Variants in DYNC1LI1 observed in about 807,000 individuals in gnomAD.
DYNC1LI1 encodes dynein cytoplasmic 1 light intermediate chain 1.
DYNC1LI1 carries 19 observed loss-of-function variants against 63.8 expected under a neutral mutation model. The observed-to-expected ratio is 0.30, with a 90% CI of 0.21 to 0.44. The LOEUF (loss-of-function observed/expected upper bound fraction) is 0.44. Ranked by LOEUF, DYNC1LI1 falls within the 20% of genes least tolerant of loss-of-function variation. The pLI is 1.00. For synonymous variants in DYNC1LI1, 225 were observed against 232.3 expected (o/e 0.97, Z 0.28); for missense variants, 565 against 630.2 (o/e 0.90, Z 1.11).
In DYNC1LI1 at chr3:32,528,173, A is replaced by G. The variant is rs148709253; in HGVS notation, c.1462+273T>C. Among the ~76,000 whole-genome samples, 50 of 150,810 alleles carry G rather than the reference A, an allele frequency of 3.3e-4. No individual in the cohort carries two copies. The East Asian group carries it at 9.7e-3, about 29-fold the overall frequency. On this transcript the variant is annotated intron_variant, in intron 12 of 12. Transcript: ENST00000273130. ...ATGAAATATTGATACATATTACAAC[A>G]TGTATGACCTTCAAAAACATTTGTT...
chr3:32,563,779 T>G (rs181088291), intron 2 of DYNC1LI1, among the ~76,000 whole-genome samples: 1 of 152,232 alleles, frequency 6.6e-6, no homozygotes, highest in Admixed American at 6.5e-5. Context: ...TTTTCTGCTT[T>G]TGACAGTAGC....
At chr3:32,541,406 C>T (rs1559437878) in intron 4 of DYNC1LI1, among the ~76,000 whole-genome samples, 200 bp from the exon 5 acceptor site, 1 of 152,164 alleles carries the variant, frequency 6.6e-6, no homozygotes, top group Admixed American at 6.5e-5. Flanking sequence ...CAGAATATTA[C>T]TACTGCAGGG....
Position 32,542,888 on chromosome 3 carries a change from G to A in DYNC1LI1, c.569-1682C>T, listed in dbSNP as rs530507555. ...AGGGAATCCCGAACAGGTGGGCACC[G>A]TTCCTCTAGAAACACAGGGGTCTGT... On this transcript the variant is annotated intron_variant, in intron 4 of 12. Transcript: ENST00000273130. 3.3e-5 allele frequency among the ~76,000 whole-genome samples: 5 copies of A among 152,288 alleles called. No homozygotes were observed. In the East Asian group the frequency reaches 9.6e-4, roughly 29 times the overall value.
At chr3:32,535,055 G>A (rs1239614055) in intron 6 of DYNC1LI1, among the ~76,000 whole-genome samples, 1 of 152,142 alleles carries the variant, frequency 6.6e-6, no homozygotes, top group Non-Finnish European at 1.5e-5. Context: ...TGTTAACAGT[G>A]TCTCTTTGTA....
At chr3:32,551,655 G>C (rs1663105585) in intron 2 of DYNC1LI1, among the ~76,000 whole-genome samples, 2 of 152,180 alleles carry the variant, frequency 1.3e-5, no homozygotes, top group African/African-American at 4.8e-5. Flanking sequence ...TCTGAACTAA[G>C]GTATGGAGGC....
intron 2 of DYNC1LI1, among the ~76,000 whole-genome samples, chr3:32,561,034 CAAACA>C (rs1698186509): frequency 2.1e-4 from 11 of 51,934 alleles, no homozygotes; most frequent in South Asian, 6.5e-4. Flanking sequence ...AAAAAAAAAA[CAAACA>C]AAAAAAACAC....
At chr3:32,570,003 T>C (rs912832530) in intron 2 of DYNC1LI1, 5 of 409,630 alleles carry the variant, frequency 1.2e-5, no homozygotes, top group African/African-American at 1.1e-4. Context: ...GCTACCAATT[T>C]TTGTGATGAA....
At chr3:32,543,432 C>T (rs1697909316) in intron 4 of DYNC1LI1, among the ~76,000 whole-genome samples, 1 of 131,356 alleles carries the variant, frequency 7.6e-6, no homozygotes, top group African/African-American at 2.9e-5. Flanking sequence ...CGGAGTCTTG[C>T]TCTGTCGCCC....
Position 32,570,544 on chromosome 3 carries a change from C to T in DYNC1LI1, c.146+81G>A, listed in dbSNP as rs550652506. 8.2e-4 allele frequency: 1,242 copies of T among 1,507,866 alleles called. 10 individuals carry two copies. In the African/African-American group the frequency reaches 0.016, roughly 19 times the overall value. 93.4% of individuals were successfully genotyped at this position (1,507,866 alleles called of 1,614,324 possible). On this transcript the variant is annotated intron_variant, in intron 1 of 12. Coordinates refer to ENST00000273130, the MANE Select transcript of DYNC1LI1 (RefSeq NM_016141.4). ...CGCAGTGGCCGGGCCCGGCGCCGAGCTCCAGCGGGCACGGGATCCCGAGGC... is the reference window on the plus strand; with the variant it reads ...CGCAGTGGCCGGGCCCGGCGCCGAGTTCCAGCGGGCACGGGATCCCGAGGC...
chr3:32,537,916 T>TTATATATATAATATATATATAA (rs1374454123), intron 5 of DYNC1LI1, among the ~76,000 whole-genome samples: 1 of 35,834 alleles, frequency 2.8e-5, no homozygotes, highest in Non-Finnish European at 4.9e-5. Context: ...TATATATAAT[T>TTATATATATAATATATATATAA]TATATATATA....
Position 32,529,606 on chromosome 3 carries a change from A to C in DYNC1LI1, c.1240T>G (p.Ser414Ala). Reference protein sequence around the residue: ...GSPRTPNRSVSSNVASVSPIP... With the variant: ...GSPRTPNRSVASNVASVSPIP... ...GGTGACACGCTGGCAACATTAGATG[A>C]TACAGATCTATTTGGTGTTCGTGGG... Residue 414 changes from serine (S) to alanine (A), a missense_variant, in exon 11 of 13, where the codon TCA becomes GCA. Physicochemically the swap from Ser to Ala is moderately conservative, Grantham distance 99. Transcript: ENST00000273130. 6.2e-7 allele frequency: 1 copy of C among 1,610,384 alleles called. No homozygotes were observed. Among genetic ancestry groups the C allele is most frequent in the Non-Finnish European group, 8.5e-7 (1 of 1,178,588 alleles).
intron 6 of DYNC1LI1, among the ~76,000 whole-genome samples, chr3:32,535,125 G>C (rs1026880608): frequency 2.6e-5 from 4 of 152,200 alleles, no homozygotes; most frequent in Admixed American, 6.5e-5. Flanking sequence ...ACTCACTGGA[G>C]AGAGCAAAAG....
At chr3:32,536,675 C>T (rs1697778561) in intron 6 of DYNC1LI1, among the ~76,000 whole-genome samples, 1 of 152,162 alleles carries the variant, frequency 6.6e-6, no homozygotes, top group South Asian at 2.1e-4. Flanking sequence ...ACAATACTGA[C>T]CTTGTCCTAC....
At chr3:32,527,425 T>C (rs1697635578) in intron 12 of DYNC1LI1, among the ~76,000 whole-genome samples, 1 of 151,738 alleles carries the variant, frequency 6.6e-6, no homozygotes. Context: ...TTTTAAGGCA[T>C]AGGACAATAA....
At chr3:32,533,924 T>C (rs930099425) in intron 7 of DYNC1LI1, among the ~76,000 whole-genome samples, 9 of 147,386 alleles carry the variant, frequency 6.1e-5, no homozygotes, top group Non-Finnish European at 1.2e-4. Flanking sequence ...TCACCTAAGC[T>C]GGAGTGAAGT....
At chr3:32,569,978 C>G (rs954158294) in intron 2 of DYNC1LI1, among the ~76,000 whole-genome samples, 9 of 152,240 alleles carry the variant, frequency 5.9e-5, no homozygotes, top group African/African-American at 2.2e-4. Context: ...CTGCAGCTCT[C>G]GCAAAGAGCC....
At chr3:32,549,376 T>G (rs1188477307) in intron 2 of DYNC1LI1, among the ~76,000 whole-genome samples, 2 of 151,884 alleles carry the variant, frequency 1.3e-5, no homozygotes, top group Admixed American at 1.3e-4. Context: ...TCTATGAATA[T>G]CTTCCTTTAA....
rs146988343 is a variant in DYNC1LI1, at chr3:32,570,726, C to A, written c.45G>T (p.Pro15=). The change falls in exon 1 of 13, where the codon CCG becomes CCT. Residue 15 remains proline, a synonymous_variant. Transcript: ENST00000273130. ...CGCCAGTGTAAGTCGAGGATAATCC[C>A]GGCGGAGAAGAACCGAAGGAGCCGA... ...GRVGSFGSSP[P]GLSSTYTGGP... 229 of 1,608,332 alleles carry A rather than the reference C, an allele frequency of 1.4e-4. No homozygotes were observed. The highest frequency in any genetic ancestry group is 1.8e-4 in the Non-Finnish European group (213 of 1,177,458).
At chr3:32,533,751 G>A (rs958167394) in intron 7 of DYNC1LI1, among the ~76,000 whole-genome samples, 1 of 151,534 alleles carries the variant, frequency 6.6e-6, no homozygotes, top group African/African-American at 2.4e-5. Context: ...TGGTAGAGAT[G>A]GGGTCTCACG....
Sources: gnomAD v4.1 joint callset for allele counts (sites outside exome capture counted in the v4.1 genomes callset) on GRCh38, gnomAD v4.1.1 for gene constraint, MANE v1.5 for transcripts, NCBI Gene and HGNC (gene_info 2026-07-23, HGNC 2026-07-21) for gene names.